Variants in RABGAP1L observed in about 807,000 individuals in gnomAD.
RABGAP1L encodes rab GTPase-activating protein 1-like.
A neutral mutation model predicts 137.7 loss-of-function variants in RABGAP1L; 63 were observed. That is an observed-to-expected ratio of 0.46 (90% CI 0.37 to 0.56). RABGAP1L has a LOEUF of 0.56. Among genes scored for constraint, RABGAP1L ranks in the 20% least tolerant of loss-of-function variants. The pLI is 0.00. For synonymous variants in RABGAP1L, 431 were observed against 433.7 expected, an observed-to-expected ratio of 0.99 and a Z score of 0.08; for missense variants, 1,095 against 1,244.0, an observed-to-expected ratio of 0.88 and a Z score of 1.80.
At chr1:174,533,733 T>C (rs942961075) in intron 13 of RABGAP1L, among the ~76,000 whole-genome samples, 2 of 152,138 alleles carry the variant, frequency 1.3e-5, no homozygotes, top group Non-Finnish European at 2.9e-5. Context: ...TGCAATGGTA[T>C]GATCTCAGCT....
intron 13 of RABGAP1L, among the ~76,000 whole-genome samples, chr1:174,476,591 G>T (rs143794950): frequency 6.6e-6 from 1 of 152,282 alleles, no homozygotes; most frequent in African/African-American, 2.4e-5. Context: ...GTAAGGAAAT[G>T]GACATTTGGC....
chr1:174,302,450 A>G (rs904559953), intron 10 of RABGAP1L, among the ~76,000 whole-genome samples: 1 of 152,240 alleles, frequency 6.6e-6, no homozygotes, highest in Non-Finnish European at 1.5e-5. Flanking sequence ...AGTTAGAATG[A>G]ATTGAGAGGA....
chr1:174,436,411 A>G (rs1433437508), intron 13 of RABGAP1L, among the ~76,000 whole-genome samples: 3 of 152,164 alleles, frequency 2.0e-5, no homozygotes, highest in Non-Finnish European at 2.9e-5. Context: ...GCCAGTCATG[A>G]TGAGCATTTT....
At position 174,770,408 on chromosome 1, in the gene RABGAP1L, A is replaced by T. The variant is rs1686022817; in HGVS notation, c.2211+18054A>T. ...TCTGTATCAGGAAAAAATGTATATC[A>T]TCACAGTACCATGCACATATTATAT... On this transcript the variant is annotated intron_variant, in intron 18 of 25. Coordinates refer to ENST00000681986, the MANE Select transcript of RABGAP1L (RefSeq NM_001366446.1). 6.6e-5 allele frequency among the ~76,000 whole-genome samples: 10 copies of T among 152,352 alleles called. No individual in the cohort carries two copies. In the South Asian group the frequency reaches 2.1e-3, roughly 32 times the overall value.
At chr1:174,985,413 GT>G (rs1671509485) in intron 24 of RABGAP1L, among the ~76,000 whole-genome samples, 1 of 152,076 alleles carries the variant, frequency 6.6e-6, no homozygotes, top group South Asian at 2.1e-4. Context: ...GAAAAAGACA[GT>G]AAAGCTTCTT....
At chr1:174,914,996 T>C (rs1250899496) in intron 19 of RABGAP1L, among the ~76,000 whole-genome samples, 1 of 152,230 alleles carries the variant, frequency 6.6e-6, no homozygotes, top group Non-Finnish European at 1.5e-5. Flanking sequence ...TCTTCTTTTT[T>C]GTTGCATAAT....
intron 13 of RABGAP1L, among the ~76,000 whole-genome samples, chr1:174,588,413 G>C (rs1415707745): frequency 6.6e-6 from 1 of 150,728 alleles, no homozygotes; most frequent in African/African-American, 2.4e-5. Context: ...GATCCGCTTG[G>C]CTCAGCCTCT....
chr1:174,273,704 T>A (rs149022829), intron 8 of RABGAP1L, among the ~76,000 whole-genome samples: 3 of 152,078 alleles, frequency 2.0e-5, no homozygotes, highest in Non-Finnish European at 4.4e-5. Flanking sequence ...TTAATCATGG[T>A]CTTTCAGAGT....
At chr1:174,581,564 A>G (rs568491690) in intron 13 of RABGAP1L, among the ~76,000 whole-genome samples, 1 of 152,220 alleles carries the variant, frequency 6.6e-6, no homozygotes, top group Non-Finnish European at 1.5e-5. Context: ...TTGGAGGGTG[A>G]TGACAAAAAG....
chr1:174,535,335 G>C (rs1664812854), intron 13 of RABGAP1L, among the ~76,000 whole-genome samples: 1 of 152,148 alleles, frequency 6.6e-6, no homozygotes, highest in Non-Finnish European at 1.5e-5. Context: ...GAGGATCTCT[G>C]AGAACTGCAT....
rs185494179 is a variant in RABGAP1L at position 174,961,704 on chromosome 1, G to A, written c.2433+4155G>A. Among the ~76,000 whole-genome samples, 64 of 151,704 alleles carry A rather than the reference G, an allele frequency of 4.2e-4. 1 individual carries two copies. The East Asian group carries it at 0.012, about 29-fold the overall frequency. On this transcript the variant is annotated intron_variant, in intron 20 of 25. Transcript: ENST00000681986. ...TACTAAAAAATATAAAAATTAGCTG[G>A]GTGTGCTGGCAAGCACCTGTAGTCC...
At chr1:174,825,957 C>G (rs953229050) in intron 19 of RABGAP1L, among the ~76,000 whole-genome samples, 1 of 152,048 alleles carries the variant, frequency 6.6e-6, no homozygotes, top group Non-Finnish European at 1.5e-5. Context: ...GAATATATTG[C>G]GAGATGCTGA....
At chr1:174,297,856 A>G (rs1263541731) in intron 10 of RABGAP1L, among the ~76,000 whole-genome samples, 1 of 152,232 alleles carries the variant, frequency 6.6e-6, no homozygotes, top group Admixed American at 6.5e-5. Flanking sequence ...CAAAAGCCTG[A>G]CTGGCAAAAA....
intron 19 of RABGAP1L, among the ~76,000 whole-genome samples, chr1:174,862,312 T>C (rs1346121454): frequency 6.6e-6 from 1 of 152,146 alleles, no homozygotes; most frequent in Non-Finnish European, 1.5e-5. Flanking sequence ...ACAAAATTTT[T>C]TTAAGCACAA....
intron 13 of RABGAP1L, among the ~76,000 whole-genome samples, chr1:174,562,331 C>T (rs79665537): frequency 0.09 from 13,699 of 152,166 alleles, 846 homozygotes; most frequent in East Asian, 0.22. Context: ...TTTAGAATGG[C>T]GATCATTAAA....
At chr1:174,598,300 C>A (rs1362863542) in intron 13 of RABGAP1L, among the ~76,000 whole-genome samples, 1 of 141,334 alleles carries the variant, frequency 7.1e-6, no homozygotes, top group African/African-American at 2.8e-5. Flanking sequence ...TGCACTCCAG[C>A]CTGGCAGCAG....
intron 20 of RABGAP1L, chr1:174,957,782 T>C: frequency 2.0e-6 from 2 of 1,021,962 alleles, no homozygotes; most frequent in Non-Finnish European, 3.0e-6. Context: ...CAATTCCCTC[T>C]GTTCTTCCTT....
At chr1:174,963,913 T>C (rs1318932291) in intron 20 of RABGAP1L, among the ~76,000 whole-genome samples, 1 of 152,152 alleles carries the variant, frequency 6.6e-6, no homozygotes, top group Admixed American at 6.5e-5. Context: ...TTTTAAGCGC[T>C]GAAAGAAATG....
intron 4 of RABGAP1L, among the ~76,000 whole-genome samples, chr1:174,236,720 T>C (rs1671212061): frequency 1.7e-5 from 2 of 114,580 alleles, no homozygotes; most frequent in Non-Finnish European, 3.5e-5. Context: ...AGGTGTGGTG[T>C]GGTGCTGAAA....
Sources: allele counts gnomAD v4.1 joint callset (sites outside exome capture counted in the v4.1 genomes callset), GRCh38; gene constraint gnomAD v4.1.1; transcripts MANE v1.5; gene names NCBI Gene and HGNC (gene_info 2026-07-23, HGNC 2026-07-21).